The following TBC1D10A variants were observed in gnomAD, a reference collection of about 807,000 sequenced individuals.
TBC1D10A encodes the protein TBC1 domain family member 10A, also known as EBP50-PDX interactor of 64 kDa.
Under a neutral mutation model 52.9 loss-of-function variants are expected in TBC1D10A, and 24 were observed. The observed-to-expected ratio is 0.45, with a 90% CI of 0.33 to 0.64. The LOEUF is 0.64. Among genes scored for constraint, TBC1D10A ranks in the 30% least tolerant of loss-of-function variants. TBC1D10A has a pLI of 0.02. For synonymous variants in TBC1D10A, 278 were observed against 282.9 expected, an observed-to-expected ratio of 0.98 and a Z score of 0.17; for missense variants, 602 against 687.9, an observed-to-expected ratio of 0.88 and a Z score of 1.40.
chr22:30,317,322 C>A (rs1260091917), intron 1 of TBC1D10A, among the ~76,000 whole-genome samples: 1 of 152,104 alleles, frequency 6.6e-6, no homozygotes, highest in Non-Finnish European at 1.5e-5. Context: ...GCATGAGAAT[C>A]GCTTGAACCG....
rs1930018425 is a variant in TBC1D10A, at chr22:30,294,064, T to C, written c.752A>G (p.Lys251Arg). The C allele has an allele frequency of 1.9e-6, 3 of 1,613,948 alleles. No individual in the cohort carries two copies. The highest frequency in any genetic ancestry group is 3.3e-5 in the Admixed American group (2 of 60,002). Reference sequence around the variant, plus strand: ...GTGCTTGTGGGCCACCGGCGACACCTTCTGCAACAGCGAGAAAAGGATCTC... The same window carrying C: ...GTGCTTGTGGGCCACCGGCGACACCCTCTGCAACAGCGAGAAAAGGATCTC... The part of the protein sequence containing the change: ...DGEILFSLLQ[K>R]VSPVAHKHLS... The change falls in exon 7 of 9, where the codon AAG becomes AGG. Residue 251 changes from lysine to arginine, a missense_variant. This residue lies in a region of TBC1D10A where 136 missense variants were observed against 208.4 expected (regional missense o/e 0.65). Coordinates refer to ENST00000215790, the MANE Select transcript of TBC1D10A (RefSeq NM_031937.3).
Position 30,294,015 on chromosome 22 carries a change from C to A in TBC1D10A, c.801G>T (p.Pro267=), listed in dbSNP as rs377364986. The stretch of plus-strand genomic sequence containing the variant: ...TGAACCATTCTGTCATATAGAGGAG[C>A]GGGTCGATCTTCTGACGGCTGAGGT... ...HKHLSRQKID[P]LLYMTEWFMC... is the part of the protein sequence containing the mutation. Residue 267 remains proline, a synonymous_variant, in exon 7 of 9, where the codon CCG becomes CCT. Transcript: ENST00000215790. 4 of 1,614,018 alleles carry A rather than the reference C, an allele frequency of 2.5e-6. No homozygotes were observed. Among genetic ancestry groups the A allele is most frequent in the Non-Finnish European group, 3.4e-6 (4 of 1,180,026 alleles).
chr22:30,322,219 G>A (rs1008738050), intron 1 of TBC1D10A, among the ~76,000 whole-genome samples: 2 of 151,984 alleles, frequency 1.3e-5, no homozygotes, highest in East Asian at 3.9e-4. Context: ...GACCTCAAAT[G>A]ATCTGCCCAC....
chr22:30,326,792 G>A lies in TBC1D10A; in HGVS notation c.90C>T (p.Pro30=), dbSNP rs1233156843. The A allele has an allele frequency of 7.3e-6, 11 of 1,497,926 alleles. No homozygotes were observed. The highest frequency in any genetic ancestry group is 2.9e-5 in the African/African-American group (2 of 68,714). The allele number at this position is 1,497,926 out of a possible 1,614,324, so 92.8% of individuals were successfully genotyped here. A position where few individuals can be genotyped will look rare whatever the true frequency, so the allele number is the denominator to read the frequency against. Residue 30 remains proline (P), a synonymous_variant, in exon 1 of 9, where the codon CCC becomes CCT. Coordinates refer to ENST00000215790, the MANE Select transcript of TBC1D10A (RefSeq NM_031937.3). ...SGTRESLAQG[P]DAATTDELSS... Reference sequence around the variant, plus strand: ...TGAGTTCGTCGGTGGTTGCGGCGTCGGGGCCCTGGGCCAGGCTCTCCCGGG... The same window carrying A: ...TGAGTTCGTCGGTGGTTGCGGCGTCAGGGCCCTGGGCCAGGCTCTCCCGGG...
chr22:30,322,220 A>T (rs1183317756), intron 1 of TBC1D10A, among the ~76,000 whole-genome samples: 2 of 151,934 alleles, frequency 1.3e-5, no homozygotes, highest in African/African-American at 4.8e-5. Flanking sequence ...ACCTCAAATG[A>T]TCTGCCCACC....
intron 2 of TBC1D10A, 75 bp from the exon 3 acceptor site, chr22:30,299,626 G>T: frequency 1.5e-6 from 2 of 1,371,276 alleles, no homozygotes; most frequent in East Asian, 4.7e-5. Context: ...CTGCCAATGC[G>T]TGGTGGGCCC....
At chr22:30,295,982 C>T (rs1463046400) in intron 3 of TBC1D10A, 139 bp from the exon 4 acceptor site, 30 of 713,166 alleles carry the variant, frequency 4.2e-5, no homozygotes, top group Non-Finnish European at 6.8e-6. Context: ...ACTGGGCCTT[C>T]CCAAGGACAG....
At position 30,294,796 on chromosome 22, in the gene TBC1D10A, C is replaced by A; in HGVS notation, c.705G>T (p.Leu235=). The change falls in exon 6 of 9, where the codon CTG becomes CTT. Residue 235 remains leucine (L), a splice_region_variant and synonymous_variant. Coordinates refer to ENST00000215790, the MANE Select transcript of TBC1D10A (RefSeq NM_031937.3). ...KYLPGYYSEK[L]EAIQLDGEIL... is the part of the protein sequence containing the mutation. ...AAGTCCCAGGCCAGGCGACACTCAC[C>A]AGTTTCTCGCTGTAGTAGCCGGGCA... 6.2e-7 allele frequency: 1 copy of A among 1,614,120 alleles called. No individual in the cohort carries two copies. The highest frequency in any genetic ancestry group is 1.3e-5 in the African/African-American group (1 of 75,078).
chr22:30,308,773 T>C (rs1334628920), intron 1 of TBC1D10A, among the ~76,000 whole-genome samples: 1 of 152,208 alleles, frequency 6.6e-6, no homozygotes, highest in Non-Finnish European at 1.5e-5. Context: ...CATGACATCA[T>C]TACCTTCATC....
chr22:30,300,791 G>A (rs1034807816), intron 2 of TBC1D10A: 1 of 152,212 alleles, frequency 6.6e-6, no homozygotes, highest in African/African-American at 2.4e-5. Context: ...ACCAGCCTGG[G>A]GCATAGGCAG....
In TBC1D10A at chr22:30,326,748, G is replaced by A. The variant is rs1930786178; in HGVS notation, c.134C>T (p.Ser45Leu). 2 of 1,535,520 alleles carry A rather than the reference G, an allele frequency of 1.3e-6. No homozygotes were observed. Among genetic ancestry groups the A allele is most frequent in the African/African-American group, 1.4e-5 (1 of 69,964 alleles). The stretch of plus-strand genomic sequence containing the variant: ...GCGCTCGGCGAAGCCGTTGGCCTCC[G>A]AGTCAGACCCGAGAGAGCTGAGTTC... Reference protein sequence around the residue: ...TDELSSLGSDSEANGFAERRI... With the variant: ...TDELSSLGSDLEANGFAERRI... The change falls in exon 1 of 9, where the codon TCG (serine) becomes TTG (leucine). Residue 45 changes from serine (S) to leucine (L), a missense_variant. Transcript: ENST00000215790.
At chr22:30,321,980 C>A (rs916927085) in intron 1 of TBC1D10A, among the ~76,000 whole-genome samples, 5 of 139,274 alleles carry the variant, frequency 3.6e-5, no homozygotes, top group African/African-American at 1.3e-4. Context: ...GGTCCTGGGC[C>A]TTTTTTTTTT....
At chr22:30,319,800 C>A (rs947984016) in intron 1 of TBC1D10A, among the ~76,000 whole-genome samples, 1 of 152,138 alleles carries the variant, frequency 6.6e-6, no homozygotes. Context: ...CAGGGGCAGA[C>A]TAATCAGTTA....
intron 1 of TBC1D10A, among the ~76,000 whole-genome samples, chr22:30,313,336 A>C (rs1478389993): frequency 2.4e-5 from 3 of 126,330 alleles, no homozygotes; most frequent in Non-Finnish European, 5.0e-5. Flanking sequence ...GCTGGTGCTC[A>C]ATAAATGTGT....
intron 1 of TBC1D10A, among the ~76,000 whole-genome samples, chr22:30,324,726 G>A (rs116142442): frequency 2.0e-5 from 3 of 152,272 alleles, no homozygotes; most frequent in South Asian, 2.1e-4. Context: ...GCACCTTCAC[G>A]TATCATATAC....
At chr22:30,324,364 G>A (rs955584225) in intron 1 of TBC1D10A, among the ~76,000 whole-genome samples, 3 of 152,124 alleles carry the variant, frequency 2.0e-5, no homozygotes, top group African/African-American at 7.2e-5. Flanking sequence ...AGGGAACATC[G>A]AAGCTTTCAG....
chr22:30,295,716 C>T, intron 4 of TBC1D10A, 21 bp downstream of exon 4: 1 of 1,613,262 alleles, frequency 6.2e-7, no homozygotes, highest in Non-Finnish European at 8.5e-7. Flanking sequence ...CCTCCCACCT[C>T]ATGAGGCCCA....
At chr22:30,313,341 A>ATGTATGTG (rs1555974552) in intron 1 of TBC1D10A, among the ~76,000 whole-genome samples, 1 of 138,022 alleles carries the variant, frequency 7.2e-6, no homozygotes, top group Admixed American at 7.2e-5. Context: ...TGCTCAATAA[A>ATGTATGTG]TGTGTGTGTG....
At position 30,297,898 on chromosome 22, in the gene TBC1D10A, C is replaced by T. The variant is rs1232908108; in HGVS notation, c.417+1546G>A. ...ATGCTTCCTCTGGGTCACCCACAGG[C>T]AAAGTCTTTCCAGGTGTGCTCACAA... is the stretch of plus-strand genomic sequence containing the variant. On this transcript the variant is annotated intron_variant, in intron 3 of 8. Coordinates refer to ENST00000215790, the MANE Select transcript of TBC1D10A (RefSeq NM_031937.3). The surrounding 1 kb of genome is among the most constrained non-coding windows in gnomAD (Gnocchi z 4.3). 1.3e-5 allele frequency: 2 copies of T among 152,252 alleles called. No homozygotes were observed. Among genetic ancestry groups the T allele is most frequent in the African/African-American group, 2.4e-5 (1 of 41,436 alleles). The allele number at this position is 152,252 out of a possible 1,614,324, so 9.4% of individuals were successfully genotyped here. A position where few individuals can be genotyped will look rare whatever the true frequency, so the allele number is the denominator to read the frequency against.
Sources: gnomAD v4.1 joint callset for allele counts (sites outside exome capture counted in the v4.1 genomes callset) on GRCh38, gnomAD v4.1.1 for gene constraint, gnomAD v4.1.1 regional missense constraint, Gnocchi (gnomAD v3.1) non-coding constraint, MANE v1.5 for transcripts, NCBI Gene and HGNC (gene_info 2026-07-23, HGNC 2026-07-21) for gene names.